The following GRM5 variants were observed in gnomAD, a reference collection of about 807,000 sequenced individuals.
GRM5 encodes the protein metabotropic glutamate receptor 5.
GRM5 carries 19 observed loss-of-function variants against 83.1 expected under a neutral mutation model. The ratio of observed to expected loss-of-function variants is 0.23; its 90% CI spans 0.16 to 0.34. The LOEUF is 0.34. Ranked by LOEUF, GRM5 falls within the 10% of genes least tolerant of loss-of-function variation. The probability of loss-of-function intolerance (pLI) is 1.00; values close to 1 mark genes in which losing one functional copy is unlikely to be tolerated. For synonymous variants in GRM5, 675 were observed against 633.6 expected, an observed-to-expected ratio of 1.07 and a Z score of -0.98; for missense variants, 1,160 against 1,588.3, an observed-to-expected ratio of 0.73 and a Z score of 4.58.
At chr11:88,541,040 G>A (rs774448696) in intron 8 of GRM5, among the ~76,000 whole-genome samples, 3 of 152,002 alleles carry the variant, frequency 2.0e-5, no homozygotes, top group African/African-American at 4.8e-5. Flanking sequence ...GTGAGTCACC[G>A]CGCCCAGCCC....
intron 2 of GRM5, among the ~76,000 whole-genome samples, chr11:88,930,043 T>C (rs1277550941): frequency 6.6e-6 from 1 of 152,150 alleles, no homozygotes; most frequent in African/African-American, 2.4e-5. Flanking sequence ...TTTTGGTGCC[T>C]ATGTTTCTCA....
At chr11:89,048,737 AG>A (rs1941696417) in intron 1 of GRM5, among the ~76,000 whole-genome samples, 1 of 152,200 alleles carries the variant, frequency 6.6e-6, no homozygotes, top group African/African-American at 2.4e-5. Flanking sequence ...AGAAAGGAAA[AG>A]GTTGGGGAAT....
At chr11:88,778,291 G>A (rs1053671941) in intron 3 of GRM5, among the ~76,000 whole-genome samples, 19 of 152,236 alleles carry the variant, frequency 1.2e-4, no homozygotes, top group Admixed American at 4.6e-4. Flanking sequence ...CTTGTCTGCC[G>A]GTTGTTAAGA....
At position 88,645,980 on chromosome 11, in the gene GRM5, C is replaced by T. The variant is rs1039397882; in HGVS notation, c.1147+7188G>A. On this transcript the variant is annotated intron_variant, in intron 4 of 9. Coordinates refer to ENST00000305447, the MANE Select transcript of GRM5 (RefSeq NM_001143831.3). ...AACTGGGGATATAAAAAGGAGGAAC[C>T]TAAAGTTTGAGGTGGTGGTTATAGA... Among the ~76,000 whole-genome samples, 12 of 152,064 alleles carry T rather than the reference C, an allele frequency of 7.9e-5. No individual in the cohort carries two copies. The South Asian group carries it at 8.3e-4, about 11-fold the overall frequency.
chr11:89,055,576 T>C (rs969919963), intron 1 of GRM5, among the ~76,000 whole-genome samples: 24 of 152,252 alleles, frequency 1.6e-4, no homozygotes, highest in African/African-American at 5.5e-4. Flanking sequence ...ATAGCAGACC[T>C]GGGACTTGAA....
intron 8 of GRM5, among the ~76,000 whole-genome samples, chr11:88,547,222 G>A (rs1942403233): frequency 6.6e-6 from 1 of 152,092 alleles, no homozygotes; most frequent in South Asian, 2.1e-4. Context: ...GGATTTATTT[G>A]ATATAAAAGA....
intron 3 of GRM5, among the ~76,000 whole-genome samples, chr11:88,767,698 G>A (rs369006216): frequency 6.6e-6 from 1 of 151,844 alleles, no homozygotes; most frequent in Non-Finnish European, 1.5e-5. Context: ...GGAGGAGGGA[G>A]AGGATCAGAA....
chr11:88,512,593 T>C (rs1400528961), intron 9 of GRM5, among the ~76,000 whole-genome samples: 1 of 152,198 alleles, frequency 6.6e-6, no homozygotes, highest in South Asian at 2.1e-4. Context: ...TGGGGTGTCA[T>C]GGAAGGTGCA....
At chr11:88,894,204 A>C (rs1452472661) in intron 2 of GRM5, among the ~76,000 whole-genome samples, 3 of 151,996 alleles carry the variant, frequency 2.0e-5, no homozygotes, top group Non-Finnish European at 4.4e-5. Context: ...TTCCCTGTGC[A>C]TTATGTAAAC....
At chr11:89,042,149 A>G (rs1220286651) in intron 2 of GRM5, among the ~76,000 whole-genome samples, 1 of 152,174 alleles carries the variant, frequency 6.6e-6, no homozygotes, top group Non-Finnish European at 1.5e-5. Context: ...GGTTCAAGCA[A>G]TTCTCCTGTG....
chr11:88,897,658 A>G (rs1945250632), intron 2 of GRM5, among the ~76,000 whole-genome samples: 1 of 151,864 alleles, frequency 6.6e-6, no homozygotes, highest in Non-Finnish European at 1.5e-5. Flanking sequence ...GTCAGAGATG[A>G]TGTCAAACAT....
At chr11:88,671,450 T>A (rs1030318615) in intron 3 of GRM5, among the ~76,000 whole-genome samples, 27 of 152,120 alleles carry the variant, frequency 1.8e-4, no homozygotes, top group Non-Finnish European at 3.1e-4. Flanking sequence ...ATTTAGTGTT[T>A]GTTTCCTCTT....
chr11:88,939,795 T>TA (rs1000253275), intron 2 of GRM5, among the ~76,000 whole-genome samples: 1 of 151,544 alleles, frequency 6.6e-6, no homozygotes, highest in African/African-American at 2.4e-5. Context: ...ACCTGATGTC[T>TA]AAAAAAAACT....
At chr11:88,898,697 T>G (rs1423373360) in intron 2 of GRM5, among the ~76,000 whole-genome samples, 3 of 151,916 alleles carry the variant, frequency 2.0e-5, no homozygotes, top group African/African-American at 7.2e-5. Flanking sequence ...CTTTCCCTTT[T>G]CTCCCAGGTA....
intron 3 of GRM5, among the ~76,000 whole-genome samples, chr11:88,783,431 G>T (rs1162441685): frequency 6.6e-6 from 1 of 151,980 alleles, no homozygotes; most frequent in Non-Finnish European, 1.5e-5. Flanking sequence ...AATTTTACAG[G>T]CACTAGCACA....
In GRM5 at chr11:88,649,238, TA is replaced by T. The variant is rs1484278679; in HGVS notation, c.1147+3929del. Among the ~76,000 whole-genome samples the T allele has an allele frequency of 3.0e-5, 4 of 135,088 alleles. No individual in the cohort carries two copies. In the East Asian group the frequency reaches 8.3e-4, roughly 28 times the overall value. The allele number at this position is 135,088 out of a possible 152,430, so 88.6% of individuals were successfully genotyped here. On this transcript the variant is annotated intron_variant, in intron 4 of 9. Coordinates refer to ENST00000305447, the MANE Select transcript of GRM5 (RefSeq NM_001143831.3). ...TACACATATATGTATATATAGTATA[TA>T]TATCACACACATATGTATTACATAT...
chr11:88,751,094 A>AAAAAAAAAAAAAAAAAAT (rs1942264827), intron 3 of GRM5, among the ~76,000 whole-genome samples: 1 of 139,398 alleles, frequency 7.2e-6, no homozygotes, highest in Non-Finnish European at 1.5e-5. Context: ...AAAAAAAAAA[A>AAAAAAAAAAAAAAAAAAT]ACAAAGAACA....
chr11:88,741,192 C>A (rs1225687099), intron 3 of GRM5, among the ~76,000 whole-genome samples: 2 of 151,984 alleles, frequency 1.3e-5, no homozygotes, highest in African/African-American at 4.8e-5. Flanking sequence ...TAGTCAGGAC[C>A]AGCTGACACT....
chr11:88,971,239 T>C (rs1006366541), intron 2 of GRM5, among the ~76,000 whole-genome samples: 2 of 152,214 alleles, frequency 1.3e-5, no homozygotes. Flanking sequence ...TACACATATG[T>C]GCATATTATT....
Sources: gnomAD v4.1 joint callset for allele counts (sites outside exome capture counted in the v4.1 genomes callset) on GRCh38, gnomAD v4.1.1 for gene constraint, MANE v1.5 for transcripts, NCBI Gene and HGNC (gene_info 2026-07-23, HGNC 2026-07-21) for gene names.